Variants in FILIP1L observed in about 807,000 individuals in gnomAD.
FILIP1L encodes the protein filamin A interacting protein 1 like.
A neutral mutation model predicts 96.6 loss-of-function variants in FILIP1L; 55 were observed. That is an observed-to-expected ratio of 0.57 (90% CI 0.46 to 0.71). The LOEUF is 0.71. FILIP1L is among the 30% of genes least tolerant of loss of function. The pLI is 0.00. For missense variants in FILIP1L, 1,304 were observed against 1,321.2 expected, an observed-to-expected ratio of 0.99 and a Z score of 0.20; for synonymous variants, 467 against 473.9, an observed-to-expected ratio of 0.99 and a Z score of 0.19.
chr3:100,048,855 A>C (rs1273935131), intron 1 of FILIP1L, among the ~76,000 whole-genome samples: 1 of 152,208 alleles, frequency 6.6e-6, no homozygotes, highest in African/African-American at 2.4e-5. Context: ...TCTGTTGTGC[A>C]GAATTATATA....
intron 1 of FILIP1L, among the ~76,000 whole-genome samples, chr3:100,113,760 A>G (rs1346607865): frequency 2.0e-5 from 3 of 152,220 alleles, no homozygotes; most frequent in Non-Finnish European, 2.9e-5. Context: ...TTGACTATCC[A>G]TCTTACTCTT....
intron 1 of FILIP1L, among the ~76,000 whole-genome samples, chr3:99,970,985 G>C (rs1179356637): frequency 6.6e-6 from 1 of 152,186 alleles, no homozygotes; most frequent in African/African-American, 2.4e-5. Flanking sequence ...GATTGAAGAG[G>C]AGGGGCTGTA....
rs140002660 is a variant in FILIP1L, at chr3:99,834,067, T to A, written c.3382-3462A>T. 4.5e-3 allele frequency among the ~76,000 whole-genome samples: 680 copies of A among 152,236 alleles called. 7 individuals are homozygous for A. The highest frequency in any genetic ancestry group is 0.016 in the African/African-American group (666 of 41,528). On this transcript the variant is annotated intron_variant, in intron 5 of 5. Coordinates refer to ENST00000477258, the MANE Select transcript of FILIP1L (RefSeq NM_001387850.1). ...CAAATCACTGCTAATTTATGGGGAG[T>A]GGTGGAATGGAAATAAGAGATAATG...
chr3:100,001,792 C>G (rs1204788308), intron 1 of FILIP1L, among the ~76,000 whole-genome samples: 1 of 152,200 alleles, frequency 6.6e-6, no homozygotes, highest in Non-Finnish European at 1.5e-5. Context: ...TGCCAAGCCT[C>G]ATAAATCATT....
At chr3:99,851,876 T>C (rs764440941) in intron 4 of FILIP1L, among the ~76,000 whole-genome samples, 4 of 152,182 alleles carry the variant, frequency 2.6e-5, no homozygotes, top group Non-Finnish European at 5.9e-5. Context: ...ATGAGGAGAA[T>C]TGAGAGACAT....
chr3:100,029,532 C>A (rs76522319), intron 1 of FILIP1L, among the ~76,000 whole-genome samples: 7 of 152,066 alleles, frequency 4.6e-5, no homozygotes, highest in East Asian at 1.9e-4. Flanking sequence ...ATAGACCATA[C>A]CAGTGTGCAT....
At chr3:99,871,534 C>G (rs562261258) in intron 4 of FILIP1L, among the ~76,000 whole-genome samples, 1 of 152,244 alleles carries the variant, frequency 6.6e-6, no homozygotes, top group Non-Finnish European at 1.5e-5. Context: ...CATCACAGTG[C>G]ACAGTTTGAA....
chr3:99,850,966 G>T lies in FILIP1L; in HGVS notation c.710C>A (p.Ser237Tyr), dbSNP rs1434861687. Residue 237 changes from serine (S) to tyrosine (Y), a missense_variant, in exon 5 of 6, where the codon TCT (serine) becomes TAT (tyrosine). Coordinates refer to ENST00000477258, the MANE Select transcript of FILIP1L (RefSeq NM_001387850.1). Reference sequence around the variant, plus strand: ...TTCATCCACCACCATCAAAGCAAAAGACTTCAGCTTGGTCAGCTCCTCTTT... The same window carrying T: ...TTCATCCACCACCATCAAAGCAAAATACTTCAGCTTGGTCAGCTCCTCTTT... ...TLKEELTKLK[S>Y]FALMVVDEQQ... 1.9e-6 allele frequency: 3 copies of T among 1,614,150 alleles called. No homozygotes were observed. Among genetic ancestry groups the T allele is most frequent in the Middle Eastern group, 1.6e-4 (1 of 6,062 alleles).
intron 1 of FILIP1L, among the ~76,000 whole-genome samples, chr3:100,031,596 C>T (rs979667740): frequency 4.6e-5 from 7 of 152,086 alleles, no homozygotes; most frequent in African/African-American, 1.2e-4. Context: ...ACCTGAGACC[C>T]GCATCCCTTG....
At chr3:99,975,136 A>C (rs551235454) in intron 1 of FILIP1L, among the ~76,000 whole-genome samples, 2 of 152,328 alleles carry the variant, frequency 1.3e-5, no homozygotes, top group African/African-American at 4.8e-5. Flanking sequence ...CAGGCATTCA[A>C]CTTCCACCTG....
chr3:99,936,665 GC>G (rs1291366398), intron 1 of FILIP1L, among the ~76,000 whole-genome samples: 1 of 148,628 alleles, frequency 6.7e-6, no homozygotes, highest in African/African-American at 2.5e-5. Flanking sequence ...AGCCACCTGC[GC>G]CCAGCCCGCT....
chr3:99,952,322 A>G (rs1374119958), intron 1 of FILIP1L, among the ~76,000 whole-genome samples: 3 of 152,212 alleles, frequency 2.0e-5, no homozygotes, highest in Non-Finnish European at 4.4e-5. Context: ...GTATTTTCAT[A>G]ATGAGCAAAT....
chr3:99,871,485 T>A (rs1033476216), intron 4 of FILIP1L, among the ~76,000 whole-genome samples: 5 of 152,118 alleles, frequency 3.3e-5, no homozygotes, highest in Admixed American at 2.0e-4. Context: ...AAGAGACAGA[T>A]AATAAGCAAA....
intron 1 of FILIP1L, among the ~76,000 whole-genome samples, chr3:99,944,413 C>T (rs1000129984): frequency 1.1e-4 from 16 of 152,196 alleles, no homozygotes; most frequent in African/African-American, 3.6e-4. Flanking sequence ...GATACTCACC[C>T]AGGCTGTCAC....
intron 1 of FILIP1L, among the ~76,000 whole-genome samples, chr3:99,962,127 C>A (rs1708512196): frequency 6.6e-6 from 1 of 152,096 alleles, no homozygotes; most frequent in African/African-American, 2.4e-5. Context: ...GAAGGTATTC[C>A]AGGAAGGACT....
chr3:99,949,481 G>A (rs1004290342), intron 1 of FILIP1L, among the ~76,000 whole-genome samples: 3 of 152,248 alleles, frequency 2.0e-5, no homozygotes, highest in Admixed American at 6.5e-5. Flanking sequence ...GTGCTTCCAC[G>A]TATAGTCCCA....
At chr3:99,998,996 C>A (rs565776769) in intron 1 of FILIP1L, among the ~76,000 whole-genome samples, 44 of 152,196 alleles carry the variant, frequency 2.9e-4, no homozygotes, top group Non-Finnish European at 5.4e-4. Flanking sequence ...TTGGTTTATT[C>A]TTTAATACTT....
intron 1 of FILIP1L, among the ~76,000 whole-genome samples, chr3:100,058,206 T>C (rs541652935): frequency 7.9e-5 from 12 of 152,366 alleles, no homozygotes; most frequent in Admixed American, 6.5e-4. Flanking sequence ...TATTACTCTC[T>C]ATACCCTACT....
At chr3:99,969,753 C>A (rs746967298) in intron 1 of FILIP1L, among the ~76,000 whole-genome samples, 3 of 152,122 alleles carry the variant, frequency 2.0e-5, no homozygotes, top group Admixed American at 6.5e-5. Flanking sequence ...CCTTGGAAAT[C>A]TGTGACCATG....
Sources: gnomAD v4.1 joint callset for allele counts (sites outside exome capture counted in the v4.1 genomes callset) on GRCh38, gnomAD v4.1.1 for gene constraint, MANE v1.5 for transcripts, NCBI Gene and HGNC (gene_info 2026-07-23, HGNC 2026-07-21) for gene names.